CLIP4: variants seen among roughly 807,000 people sequenced by gnomAD.
The protein encoded by CLIP4 is CAP-Gly domain containing linker protein family member 4, also known as CAP-Gly domain-containing linker protein 4.
In CLIP4, 47 loss-of-function variants were observed where a neutral mutation model predicts 73.1. The ratio of observed to expected loss-of-function variants is 0.64; its 90% confidence interval spans 0.51 to 0.82. The LOEUF (loss-of-function observed/expected upper bound fraction) is 0.82. Among genes scored for constraint, CLIP4 ranks in the 40% least tolerant of loss-of-function variants. CLIP4 has a pLI of 0.00. For missense variants in CLIP4, 874 were observed against 852.9 expected, an observed-to-expected ratio of 1.02 and a Z score of -0.31; for synonymous variants, 306 against 295.4, an observed-to-expected ratio of 1.04 and a Z score of -0.37.
rs776056684 is a variant in CLIP4, at chr2:29,132,215, T to C, written c.337T>C (p.Tyr113His). The change falls in exon 4 of 16, where the codon TAT becomes CAT. Residue 113 changes from tyrosine to histidine, a missense_variant. Tyr to His is a moderately conservative substitution (Grantham distance 83). Transcript: ENST00000320081. Reference protein sequence around the residue: ...DGLTDMTLLHYTCKSGAHGIG... With the variant: ...DGLTDMTLLHHTCKSGAHGIG... ...ATTGACAGATATGACTCTTTTACAT[T>C]ATACCTGCAAATCTGGAGCTCATGG... 1 of 1,613,686 alleles carries C rather than the reference T, an allele frequency of 6.2e-7. No homozygotes were observed. Among genetic ancestry groups the C allele is most frequent in the Non-Finnish European group, 8.5e-7 (1 of 1,179,690 alleles).
At chr2:29,122,188 T>C (rs553403839) in intron 2 of CLIP4, among the ~76,000 whole-genome samples, 2 of 152,270 alleles carry the variant, frequency 1.3e-5, no homozygotes, top group South Asian at 4.1e-4. Flanking sequence ...ACTGAGAATT[T>C]GTCTTTTTAG....
At position 29,143,709 on chromosome 2, in the gene CLIP4, A is replaced by C. The variant is rs770773865; in HGVS notation, c.649A>C (p.Asn217His). The C allele has an allele frequency of 6.3e-7, 1 of 1,595,324 alleles. No homozygotes were observed. Among genetic ancestry groups the C allele is most frequent in the Non-Finnish European group, 8.6e-7 (1 of 1,163,542 alleles). ...LEQGANPAFR[N>H]DKGQIPADVV... ...ATTTTTCTCTTATCTTTATTTGTAG[A>C]ATGACAAAGGACAGATCCCTGCTGA... Residue 217 changes from asparagine to histidine, a missense_variant and splice_region_variant, in exon 7 of 16, where the codon AAT becomes CAT. By Grantham distance (68) the Asn-to-His change is moderately conservative. Transcript: ENST00000320081.
At chr2:29,132,424 G>A (rs974834349) in intron 4 of CLIP4, 179 bp downstream of exon 4, 1 of 601,998 alleles carries the variant, frequency 1.7e-6, no homozygotes, top group Admixed American at 3.1e-5. Flanking sequence ...AATCAAGGAG[G>A]TCTTTATACC....
rs189109264 is a variant in CLIP4, at chr2:29,104,053, T to A, written c.-16+6106T>A. ...TGAGGCCCGCATCCCAGGAACTCCC[T>A]CAGTCCTGGGCAAGCCCTAAACATC... On this transcript the variant is annotated intron_variant, in intron 1 of 14. Transcript: ENST00000401605. Among the ~76,000 whole-genome samples the A allele has an allele frequency of 3.4e-3, 525 of 152,194 alleles. 2 individuals are homozygous for A. Among genetic ancestry groups the A allele is most frequent in the African/African-American group, 0.012 (494 of 41,524 alleles).
At chr2:29,114,361 G>A (rs1668465945), upstream of CLIP4, 1 of 152,220 alleles carries the variant, frequency 6.6e-6, no homozygotes, top group Admixed American at 6.5e-5. Flanking sequence ...TAAGGGACAG[G>A]TAATGTGTGT....
chr2:29,098,831 A>G (rs138810516), intron 1 of CLIP4, among the ~76,000 whole-genome samples: 5 of 152,350 alleles, frequency 3.3e-5, no homozygotes, highest in African/African-American at 1.2e-4. Flanking sequence ...CCCACCAGCA[A>G]TGAGTGAAAG....
At chr2:29,138,189 G>A (rs753437951) in intron 6 of CLIP4, among the ~76,000 whole-genome samples, 1 of 152,030 alleles carries the variant, frequency 6.6e-6, no homozygotes. Context: ...TGTATATAGT[G>A]AGTAGTGGGG....
chr2:29,152,712 G>C lies in CLIP4; in HGVS notation c.1049G>C (p.Ser350Thr), dbSNP rs1341513401. Residue 350 changes from serine (S) to threonine (T), a missense_variant, in exon 9 of 16, where the codon AGT becomes ACT. By Grantham distance (58) the Ser-to-Thr change is moderately conservative. Coordinates refer to ENST00000320081, the MANE Select transcript of CLIP4 (RefSeq NM_024692.6). ...ATTTTTGCACCTCTTTCAAAGATAA[G>C]TAAAGCAAAAGGTCGAAGGAAGAAT... ...YGIFAPLSKI[S>T]KAKGRRKNIT... 1 of 1,613,446 alleles carries C rather than the reference G, an allele frequency of 6.2e-7. No individual in the cohort carries two copies. Among genetic ancestry groups the C allele is most frequent in the Admixed American group, 1.7e-5 (1 of 59,910 alleles).
At chr2:29,149,106 A>G (rs751789579) in intron 8 of CLIP4, among the ~76,000 whole-genome samples, 4 of 152,176 alleles carry the variant, frequency 2.6e-5, no homozygotes, top group Non-Finnish European at 5.9e-5. Flanking sequence ...TGTACCTGCT[A>G]CTCAGCTTTG....
intron 14 of CLIP4, among the ~76,000 whole-genome samples, chr2:29,171,221 C>G (rs548431400): frequency 1.3e-5 from 2 of 152,102 alleles, no homozygotes; most frequent in African/African-American, 4.8e-5. Flanking sequence ...GTCTTTTTAC[C>G]TATAAACATG....
intron 6 of CLIP4, among the ~76,000 whole-genome samples, chr2:29,142,150 T>A (rs1206336507): frequency 6.6e-6 from 1 of 152,188 alleles, no homozygotes; most frequent in Non-Finnish European, 1.5e-5. Flanking sequence ...TTCTTTTGTT[T>A]CCATGTGTAG....
chr2:29,181,968 T>C lies in CLIP4; in HGVS notation c.*75T>C. On this transcript the variant is annotated 3_prime_UTR_variant, in exon 16 of 16. Transcript: ENST00000320081. ...AGAGTCCATGGTAAATGGTTTACTT[T>C]ATTTAGCCATATTAAAATTTTGAAA... 8.1e-7 allele frequency: 1 copy of C among 1,241,500 alleles called. No homozygotes were observed. The highest frequency in any genetic ancestry group is 1.6e-5 in the South Asian group (1 of 60,996). The allele number at this position is 1,241,500 out of a possible 1,614,324, so 76.9% of individuals were successfully genotyped here. A position where few individuals can be genotyped will look rare whatever the true frequency, so the allele number is the denominator to read the frequency against.
Position 29,160,346 on chromosome 2 carries a change from A to G in CLIP4, c.1413A>G (p.Ser471=), listed in dbSNP as rs753438702. Residue 471 remains serine, a synonymous_variant, in exon 12 of 16, where the codon TCA becomes TCG. Coordinates refer to ENST00000320081, the MANE Select transcript of CLIP4 (RefSeq NM_024692.6). ...TGACTTAAACAGGTTTGAATTCCTC[A>G]GCAACATCTACAGCAAATAATAGCC... ...SSRASAGLNS[S]ATSTANNSRC... The G allele has an allele frequency of 2.5e-6, 4 of 1,614,052 alleles. No individual in the cohort carries two copies. In the Admixed American group the frequency reaches 6.7e-5, roughly 27 times the overall value.
intron 10 of CLIP4, among the ~76,000 whole-genome samples, chr2:29,156,989 C>T (rs888270628): frequency 3.3e-5 from 5 of 151,984 alleles, no homozygotes; most frequent in South Asian, 2.1e-4. Context: ...GTGATCTTAC[C>T]GTGGGAATCC....
At chr2:29,143,991 A>G (rs779625281) in intron 7 of CLIP4, 46 bp downstream of exon 7, 3 of 1,500,278 alleles carry the variant, frequency 2.0e-6, no homozygotes, top group South Asian at 1.1e-5. Flanking sequence ...TGTTATGTCC[A>G]TGACCTATGT....
chr2:29,146,088 T>G (rs1666145729), intron 8 of CLIP4, among the ~76,000 whole-genome samples: 1 of 152,192 alleles, frequency 6.6e-6, no homozygotes, highest in Non-Finnish European at 1.5e-5. Context: ...TTTGGGAAAG[T>G]GTCTTTCTTG....
intron 13 of CLIP4, among the ~76,000 whole-genome samples, chr2:29,164,341 C>T (rs1014906828): frequency 5.9e-5 from 9 of 152,294 alleles, no homozygotes; most frequent in Admixed American, 5.2e-4. Context: ...CATTCATTCT[C>T]CTACAAACCT....
intron 2 of CLIP4, chr2:29,130,577 C>T: frequency 5.5e-6 from 6 of 1,098,948 alleles, no homozygotes; most frequent in South Asian, 2.3e-5. Flanking sequence ...GACTTTGGCT[C>T]AGAGGCCAAG....
chr2:29,158,692 G>C (rs1667096985), intron 11 of CLIP4, among the ~76,000 whole-genome samples: 1 of 152,202 alleles, frequency 6.6e-6, no homozygotes, highest in South Asian at 2.1e-4. Flanking sequence ...TAAAAAATTA[G>C]AGAAAGAAGA....
Sources: gnomAD v4.1 joint callset for allele counts (sites outside exome capture counted in the v4.1 genomes callset) on GRCh38, gnomAD v4.1.1 for gene constraint, MANE v1.5 for transcripts, NCBI Gene and HGNC (gene_info 2026-07-23, HGNC 2026-07-21) for gene names.